FRMD7: variants seen among roughly 807,000 people sequenced by gnomAD.
The protein encoded by FRMD7 is FERM domain-containing protein 7.
In FRMD7, 14 loss-of-function variants were observed where a neutral mutation model predicts 44.1. The observed-to-expected ratio is 0.32, with a 90% CI of 0.21 to 0.50. The LOEUF is 0.50. Among genes scored for constraint, FRMD7 ranks in the 20% least tolerant of loss-of-function variants. FRMD7 has a pLI of 0.99. For missense variants in FRMD7, 501 were observed against 522.3 expected (o/e 0.96, Z 0.40); for synonymous variants, 212 against 187.4 (o/e 1.13, Z -1.07).
chrX:132,112,671 C>T (rs905715424), intron 1 of FRMD7, among the ~76,000 whole-genome samples: 2 of 111,458 alleles, frequency 1.8e-5, no homozygotes, highest in African/African-American at 6.5e-5. Flanking sequence ...TTCCGGCCCA[C>T]GTGACTATCC....
intron 1 of FRMD7, among the ~76,000 whole-genome samples, chrX:132,123,706 CTTTAT>C (rs1929089337): frequency 8.9e-6 from 1 of 112,305 alleles, no homozygotes; most frequent in Admixed American, 9.4e-5. Flanking sequence ...GCCTAGTGGC[CTTTAT>C]CATGGGCTCC....
At chrX:132,112,297 G>T (rs1928796720) in intron 1 of FRMD7, among the ~76,000 whole-genome samples, 1 of 111,447 alleles carries the variant, frequency 9.0e-6, no homozygotes, top group Admixed American at 9.6e-5. Context: ...AGGTAGCAGC[G>T]GTTCCTTCTA....
At chrX:132,113,842 A>G (rs983614386) in intron 1 of FRMD7, among the ~76,000 whole-genome samples, 12 of 111,425 alleles carry the variant, frequency 1.1e-4, no homozygotes, top group African/African-American at 3.9e-4. Context: ...TATTGACTAT[A>G]GTCACCTTGT....
At chrX:132,116,504 C>G (rs996761269) in intron 1 of FRMD7, among the ~76,000 whole-genome samples, 3 of 112,002 alleles carry the variant, frequency 2.7e-5, no homozygotes, top group African/African-American at 9.7e-5. Flanking sequence ...TCAACCACTC[C>G]CAACACAAAT....
At chrX:132,091,507 G>A (rs908419849) in intron 5 of FRMD7, among the ~76,000 whole-genome samples, 2 of 111,080 alleles carry the variant, frequency 1.8e-5, no homozygotes, top group Non-Finnish European at 3.8e-5. Context: ...TTCCCAGTAA[G>A]CCTACCCTGT....
chrX:132,096,999 T>C (rs1050371740), intron 4 of FRMD7, among the ~76,000 whole-genome samples: 1 of 111,050 alleles, frequency 9.0e-6, no homozygotes, highest in Admixed American at 9.7e-5. Context: ...ACATTCATTG[T>C]TGTAGTAGTT....
At chrX:132,093,092 C>T (rs994807132) in intron 5 of FRMD7, among the ~76,000 whole-genome samples, 3 of 111,495 alleles carry the variant, frequency 2.7e-5, no homozygotes, top group African/African-American at 9.8e-5. Context: ...TCTTACTGCC[C>T]TCTGCCTTTC....
At chrX:132,108,380 G>T (rs1244234973) in intron 1 of FRMD7, among the ~76,000 whole-genome samples, 1 of 111,583 alleles carries the variant, frequency 9.0e-6, no homozygotes, top group East Asian at 2.8e-4. Context: ...CACTTTAAAA[G>T]GATGAATTTG....
intron 5 of FRMD7, among the ~76,000 whole-genome samples, chrX:132,087,536 T>C (rs1039780446): frequency 9.0e-6 from 1 of 111,275 alleles, no homozygotes. Context: ...CATTGATTAA[T>C]TTTTTTTGCC....
At position 132,097,139 on chromosome X, in the gene FRMD7, C is replaced by T; in HGVS notation, c.284+127G>A. On this transcript the variant is annotated intron_variant, in intron 4 of 11. Transcript: ENST00000298542. ...TAGGCCCATCCTCTCTCCAGATCCTCACCATCTCCCAGACAGTGACTTAAA... is the reference window on the plus strand; with the variant it reads ...TAGGCCCATCCTCTCTCCAGATCCTTACCATCTCCCAGACAGTGACTTAAA... The T allele has an allele frequency of 5.2e-6, 3 of 571,853 alleles. No individual in the cohort carries two copies. The South Asian group carries it at 6.9e-5, about 13-fold the overall frequency. The allele number at this position is 571,853 out of a possible 1,213,427, so 47.1% of individuals were successfully genotyped here.
At chrX:132,114,851 T>C (rs1298966846) in intron 1 of FRMD7, among the ~76,000 whole-genome samples, 2 of 112,386 alleles carry the variant, frequency 1.8e-5, no homozygotes, top group Non-Finnish European at 3.8e-5. Flanking sequence ...ACTTAGGACC[T>C]GTTATTTCAC....
In FRMD7 at chrX:132,078,095, G is replaced by A. The variant is rs1270235287; in HGVS notation, c.1922C>T (p.Thr641Ile). 8.3e-7 allele frequency: 1 copy of A among 1,211,306 alleles called. No individual in the cohort carries two copies. Among genetic ancestry groups the A allele is most frequent in the Non-Finnish European group, 1.1e-6 (1 of 895,074 alleles). The stretch of plus-strand genomic sequence containing the variant: ...TTCACTAGCTACATACCTTTCTGCT[G>A]TACTTTGATCCATTAGAACTGCTGG... ...ELPAVLMDQS[T>I]AERYVASESS... The change falls in exon 12 of 12, where the codon ACA (threonine) becomes ATA (isoleucine). Residue 641 changes from threonine (T) to isoleucine (I), a missense_variant. This residue lies in a region of FRMD7 where 453 missense variants were observed against 452.7 expected (regional missense o/e 1.00). Transcript: ENST00000298542.
intron 1 of FRMD7, among the ~76,000 whole-genome samples, chrX:132,113,005 G>A (rs1397919206): frequency 2.7e-5 from 3 of 111,090 alleles, no homozygotes; most frequent in African/African-American, 6.6e-5. Flanking sequence ...GGGGGCAGGG[G>A]TGAAGAAAAA....
At chrX:132,123,978 A>G (rs1453800214) in intron 1 of FRMD7, among the ~76,000 whole-genome samples, 1 of 112,056 alleles carries the variant, frequency 8.9e-6, no homozygotes, top group Non-Finnish European at 1.9e-5. Flanking sequence ...TGGGATGACC[A>G]TTTTGTACAA....
chrX:132,083,156 A>C (rs1224102504), intron 8 of FRMD7, among the ~76,000 whole-genome samples: 3 of 111,314 alleles, frequency 2.7e-5, no homozygotes, highest in African/African-American at 9.8e-5. Context: ...GGATCTTGCT[A>C]TGTTGCCCAG....
At position 132,099,459 on chromosome X, in the gene FRMD7, C is replaced by A. The variant is rs753562385; in HGVS notation, c.205+9G>T. The A allele has an allele frequency of 8.4e-7, 1 of 1,190,894 alleles. No individual in the cohort carries two copies. Among genetic ancestry groups the A allele is most frequent in the Admixed American group, 2.2e-5 (1 of 45,687 alleles). ...GAACTCTCTTCCTTAAATGATTTTC[C>A]ATACTTACTTTTTACCTGCTTTGTT... On this transcript the variant is annotated intron_variant, in intron 3 of 11. Coordinates refer to ENST00000298542, the MANE Select transcript of FRMD7 (RefSeq NM_194277.3).
At chrX:132,118,434 A>G (rs954153156) in intron 1 of FRMD7, among the ~76,000 whole-genome samples, 3 of 110,296 alleles carry the variant, frequency 2.7e-5, no homozygotes, top group Non-Finnish European at 5.7e-5. Context: ...GAAAAAAAAA[A>G]ACTCAGCAAA....
At chrX:132,086,089 G>A (rs1927981107) in intron 5 of FRMD7, 55 bp from the exon 6 acceptor site, 1 of 736,915 alleles carries the variant, frequency 1.4e-6, no homozygotes, top group East Asian at 3.2e-5. Flanking sequence ...CTTAGCAATG[G>A]AGCATCCAGC....
chrX:132,119,710 A>G (rs1928987628), intron 1 of FRMD7, among the ~76,000 whole-genome samples: 1 of 111,386 alleles, frequency 9.0e-6, no homozygotes, highest in Non-Finnish European at 1.9e-5. Flanking sequence ...AGAACCAGGC[A>G]AGCTATATAC....
Sources: gnomAD v4.1 joint callset for allele counts (sites outside exome capture counted in the v4.1 genomes callset) on GRCh38, gnomAD v4.1.1 for gene constraint, gnomAD v4.1.1 regional missense constraint, MANE v1.5 for transcripts, NCBI Gene and HGNC (gene_info 2026-07-23, HGNC 2026-07-21) for gene names.